The following MAPKAP1 variants were observed in gnomAD, a reference collection of about 807,000 sequenced individuals.
MAPKAP1 encodes MAPK associated protein 1.
In MAPKAP1, 20 loss-of-function variants were observed where a neutral mutation model predicts 65.7. The ratio of observed to expected loss-of-function variants is 0.30; its 90% confidence interval spans 0.21 to 0.44. The LOEUF is 0.44. MAPKAP1 is among the 20% of genes least tolerant of loss of function. The pLI, the probability that MAPKAP1 is intolerant of heterozygous loss-of-function variation, is 1.00. For synonymous variants in MAPKAP1, 222 were observed against 244.3 expected (o/e 0.91, Z 0.85); for missense variants, 423 against 648.0 (o/e 0.65, Z 3.77).
At chr9:125,685,811 G>T (rs7031865) in intron 1 of MAPKAP1, among the ~76,000 whole-genome samples, 13,065 of 152,156 alleles carry the variant, frequency 0.086, 1,752 homozygotes, top group African/African-American at 0.29. Context: ...TAGACAACAG[G>T]TGCATCTTTC....
At chr9:125,542,548 GTTA>G (rs1830284673) in intron 7 of MAPKAP1, among the ~76,000 whole-genome samples, 2 of 151,830 alleles carry the variant, frequency 1.3e-5, no homozygotes, top group African/African-American at 4.8e-5. Context: ...GTAATGAGGA[GTTA>G]AGTTATTAGT....
intron 5 of MAPKAP1, chr9:125,568,754 G>A (rs1046025124): frequency 5.2e-5 from 8 of 153,922 alleles, no homozygotes; most frequent in African/African-American, 1.9e-4. Flanking sequence ...TTTCCTTTAT[G>A]ATGCAGCTTG....
chr9:125,450,582 G>A (rs975994910), intron 10 of MAPKAP1, among the ~76,000 whole-genome samples: 54 of 152,260 alleles, frequency 3.5e-4, no homozygotes, highest in African/African-American at 1.2e-3. Flanking sequence ...GGGCTTCTGG[G>A]TTACTTATAA....
At chr9:125,554,922 T>C (rs1040671925) in intron 6 of MAPKAP1, among the ~76,000 whole-genome samples, 12 of 152,002 alleles carry the variant, frequency 7.9e-5, no homozygotes, top group Non-Finnish European at 1.6e-4. Context: ...AAAAATACAC[T>C]GTTTAAAAGG....
intron 8 of MAPKAP1, among the ~76,000 whole-genome samples, chr9:125,505,305 G>A (rs1466053469): frequency 6.6e-6 from 1 of 152,110 alleles, no homozygotes; most frequent in Admixed American, 6.5e-5. Context: ...TGTGCCTATA[G>A]TCCCAGCTAC....
rs140604882 is a variant in MAPKAP1 at position 125,452,365 on chromosome 9, C to T, written c.1346-7767G>A. Among the ~76,000 whole-genome samples the T allele has an allele frequency of 8.4e-3, 1,275 of 152,204 alleles. 8 individuals carry two copies. Among genetic ancestry groups the T allele is most frequent in the Non-Finnish European group, 0.014 (931 of 68,000 alleles). ...CTGCATACCTCGGCCTCTCAAAGTG[C>T]TGGGATGACAGGCGTGAGCCACTAC... is the stretch of plus-strand genomic sequence containing the variant. On this transcript the variant is annotated intron_variant, in intron 10 of 11. Coordinates refer to ENST00000265960, the MANE Select transcript of MAPKAP1 (RefSeq NM_001006617.3).
intron 2 of MAPKAP1, among the ~76,000 whole-genome samples, chr9:125,671,925 T>G (rs560180712): frequency 6.6e-6 from 1 of 152,162 alleles, no homozygotes; most frequent in Non-Finnish European, 1.5e-5. Context: ...GGTGGTCACC[T>G]CTCTGTATTA....
intron 7 of MAPKAP1, among the ~76,000 whole-genome samples, chr9:125,522,416 G>A (rs1228697248): frequency 6.6e-6 from 1 of 152,202 alleles, no homozygotes; most frequent in African/African-American, 2.4e-5. Context: ...GCCATGTCAT[G>A]AGCTAGTCAC....
At chr9:125,616,544 C>T (rs1479085918) in intron 4 of MAPKAP1, among the ~76,000 whole-genome samples, 2 of 152,030 alleles carry the variant, frequency 1.3e-5, no homozygotes, top group African/African-American at 4.8e-5. Flanking sequence ...AAGATTAGAA[C>T]AAGTAGTTCA....
chr9:125,630,330 CT>C (rs758026833), intron 4 of MAPKAP1, among the ~76,000 whole-genome samples: 2 of 152,020 alleles, frequency 1.3e-5, no homozygotes, highest in Non-Finnish European at 2.9e-5. Flanking sequence ...CAGGGCCTCC[CT>C]ATGTTGCCCA....
intron 4 of MAPKAP1, among the ~76,000 whole-genome samples, chr9:125,653,913 T>C (rs1833961183): frequency 6.6e-6 from 1 of 152,148 alleles, no homozygotes; most frequent in Non-Finnish European, 1.5e-5. Flanking sequence ...ACTAACTGTA[T>C]TGACAGGAAA....
chr9:125,656,415 G>C (rs938759233), intron 4 of MAPKAP1, among the ~76,000 whole-genome samples: 3 of 152,148 alleles, frequency 2.0e-5, no homozygotes, highest in Non-Finnish European at 4.4e-5. Context: ...AAGTTCTTTG[G>C]AGGAAACTTC....
chr9:125,503,240 T>C (rs10819054), intron 8 of MAPKAP1, among the ~76,000 whole-genome samples: 12 of 152,206 alleles, frequency 7.9e-5, no homozygotes, highest in Non-Finnish European at 1.8e-4. Context: ...AAATCTATTA[T>C]CTTACTACAT....
chr9:125,499,841 G>T (rs1421149660), intron 8 of MAPKAP1, among the ~76,000 whole-genome samples: 1 of 152,060 alleles, frequency 6.6e-6, no homozygotes, highest in Non-Finnish European at 1.5e-5. Flanking sequence ...AAAAAAACTA[G>T]CCAGGTGTGG....
chr9:125,484,664 A>T (rs747303284), intron 8 of MAPKAP1, 81 bp from the exon 9 acceptor site: 345 of 1,390,812 alleles, frequency 2.5e-4, no homozygotes, highest in Middle Eastern at 1.5e-3. Context: ...TTTGGGATAA[A>T]TTAAAATAAT....
rs1854143327 is a variant in MAPKAP1, at chr9:125,477,216, A to G, written c.1207+7227T>C. Among the ~76,000 whole-genome samples, 3 of 152,278 alleles carry G rather than the reference A, an allele frequency of 2.0e-5. No individual in the cohort carries two copies. In the South Asian group the frequency reaches 6.2e-4, roughly 32 times the overall value. On this transcript the variant is annotated intron_variant, in intron 9 of 11. Transcript: ENST00000265960. ...AGGTTATAGATGCGATGCTGATAGG[A>G]TGGAATTCATGGTATCTTACGTGTT...
chr9:125,447,221 A>T lies in MAPKAP1; in HGVS notation c.1346-2623T>A. 2.8e-6 allele frequency: 1 copy of T among 363,132 alleles called. No individual in the cohort carries two copies. The highest frequency in any genetic ancestry group is 5.6e-6 in the Non-Finnish European group (1 of 179,292). The allele number at this position is 363,132 out of a possible 1,614,324, so 22.5% of individuals were successfully genotyped here. ...ATCCCCAGGGCTCATTCCAGCACCC[A>T]TCTGAGGAAGAGTGAAGCAGGTGAG... On this transcript the variant is annotated intron_variant, in intron 10 of 11. Transcript: ENST00000265960. This position sits in a 1 kb window ranked among gnomAD's most constrained non-coding sequence, Gnocchi z 4.5.
At chr9:125,551,994 C>T (rs552380610) in intron 6 of MAPKAP1, among the ~76,000 whole-genome samples, 3 of 152,264 alleles carry the variant, frequency 2.0e-5, no homozygotes, top group Admixed American at 6.5e-5. Context: ...AGCTCCAGCT[C>T]TTTATCTGGT....
chr9:125,559,731 G>A lies in MAPKAP1; in HGVS notation c.750C>T (p.Ser250=), dbSNP rs751172884. 3.1e-6 allele frequency: 5 copies of A among 1,613,886 alleles called. No homozygotes were observed. In the South Asian group the frequency reaches 5.5e-5, roughly 18 times the overall value. Residue 250 remains serine (S), a synonymous_variant, in exon 6 of 12, where the codon TCC becomes TCT. Transcript: ENST00000265960. The part of the protein sequence containing the change: ...EVDTDFPPLD[S]NEPIHKFGFS... ...AGCCAAACTTATGAATGGGCTCATT[G>A]GAATCCAGCGGGGGGAAATCGGTGT...
Sources: allele counts gnomAD v4.1 joint callset (sites outside exome capture counted in the v4.1 genomes callset), GRCh38; gene constraint gnomAD v4.1.1; non-coding constraint Gnocchi (gnomAD v3.1); transcripts MANE v1.5; gene names NCBI Gene and HGNC (gene_info 2026-07-23, HGNC 2026-07-21).